CARD14: variants seen among roughly 807,000 people sequenced by gnomAD.
CARD14 encodes the protein caspase recruitment domain-containing protein 14.
Under a neutral mutation model 111.5 loss-of-function variants are expected in CARD14, and 107 were observed. The ratio of observed to expected loss-of-function variants is 0.96; its 90% CI spans 0.82 to 1.13. CARD14 has a LOEUF of 1.13. CARD14 is among the 50% of genes most tolerant of loss of function. CARD14 has a pLI of 0.00. For synonymous variants in CARD14, 617 were observed against 579.6 expected, an observed-to-expected ratio of 1.06 and a Z score of -0.93; for missense variants, 1,322 against 1,362.3, an observed-to-expected ratio of 0.97 and a Z score of 0.47.
Position 80,205,623 on chromosome 17 carries a change from C to T in CARD14, c.2662C>T (p.Arg888Cys), listed in dbSNP as rs201390554. 1.7e-5 allele frequency: 27 copies of T among 1,566,076 alleles called. No individual in the cohort carries two copies. Among genetic ancestry groups the T allele is most frequent in the African/African-American group, 2.7e-5 (2 of 74,022 alleles). Residue 888 changes from arginine (R) to cysteine (C), a missense_variant, in exon 22 of 24, where the codon CGC becomes TGC. Physicochemically the swap from Arg to Cys is radical, Grantham distance 180 (BLOSUM62 -3). Coordinates refer to ENST00000648509, the MANE Select transcript of CARD14 (RefSeq NM_001366385.1). ...EVSGGRCWVT[R>C]HAVESLMEKN... ...GTCCGGGGGCCGCTGCTGGGTGACC[C>T]GCCATGCTGTGGAGTCCCTCATGGA...
rs370253085 is a variant in CARD14 at position 80,208,281 on chromosome 17, G to A, written c.2951G>A (p.Cys984Tyr). Residue 984 changes from cysteine (C) to tyrosine (Y), a missense_variant, in exon 24 of 24, where the codon TGT (cysteine) becomes TAT (tyrosine). Physicochemically the swap from Cys to Tyr is radical, Grantham distance 194. Transcript: ENST00000648509. ...AGCGACCTGGACGGCCTGCTCAGCT[G>A]TGTCCGCCAGGCCATCGCCGACGAG... is the stretch of plus-strand genomic sequence containing the variant. ...GWSDLDGLLS[C>Y]VRQAIADEQK... 3.1e-6 allele frequency: 5 copies of A among 1,599,962 alleles called. No individual in the cohort carries two copies. Among genetic ancestry groups the A allele is most frequent in the African/African-American group, 2.7e-5 (2 of 74,898 alleles).
At chr17:80,205,867 C>G in intron 22 of CARD14, 1 of 474,758 alleles carries the variant, frequency 2.1e-6, no homozygotes, top group Non-Finnish European at 3.7e-6. Flanking sequence ...CTCCTTGAAT[C>G]TCAGTTTCCT....
At chr17:80,184,716 G>T (rs973791381) in intron 7 of CARD14, among the ~76,000 whole-genome samples, 1 of 63,488 alleles carries the variant, frequency 1.6e-5, no homozygotes, top group Admixed American at 1.5e-4. Flanking sequence ...GGACTCAGGC[G>T]GGATAGTTGG....
Position 80,201,831 on chromosome 17 carries a change from G to A in CARD14, c.1939G>A (p.Asp647Asn). 1 of 1,614,036 alleles carries A rather than the reference G, an allele frequency of 6.2e-7. No homozygotes were observed. Among genetic ancestry groups the A allele is most frequent in the Non-Finnish European group, 8.5e-7 (1 of 1,179,970 alleles). The stretch of plus-strand genomic sequence containing the variant: ...GGCCGTGGGGCTTCTCAGGAGGGTG[G>A]ACGGCTTCTGCTGCCTGTCTGTGAA... ...EEAVGLLRRV[D>N]GFCCLSVKVN... Residue 647 changes from aspartate (D) to asparagine (N), a missense_variant, in exon 17 of 24, where the codon GAC becomes AAC. By Grantham distance (23) the Asp-to-Asn change is conservative. Coordinates refer to ENST00000648509, the MANE Select transcript of CARD14 (RefSeq NM_001366385.1). The surrounding 1 kb of genome is among the most constrained non-coding windows in gnomAD (Gnocchi z 5.0).
At chr17:80,204,151 A>G (rs1194164628) in intron 19 of CARD14, 76 bp from the exon 20 acceptor site, 3 of 1,429,752 alleles carry the variant, frequency 2.1e-6, no homozygotes, top group East Asian at 2.5e-5. Context: ...CCTAGTGCCA[A>G]TCATCTCCCC....
chr17:80,205,324 C>T (rs1226612974), intron 21 of CARD14, 119 bp downstream of exon 21: 3 of 1,172,638 alleles, frequency 2.6e-6, no homozygotes, highest in East Asian at 2.5e-5. Flanking sequence ...CGCACATTCC[C>T]ACACTCACCT....
chr17:80,176,772 C>T lies in CARD14; in HGVS notation c.-366-1736C>T, dbSNP rs563389857. The stretch of plus-strand genomic sequence containing the variant: ...TTCATTTTGCCCTGAGCTCCACAGA[C>T]GATATAGCTGGTCCTGAAGTGGGGC... On this transcript the variant is annotated intron_variant, in intron 2 of 23. Coordinates refer to ENST00000648509, the MANE Select transcript of CARD14 (RefSeq NM_001366385.1). Among the ~76,000 whole-genome samples the T allele has an allele frequency of 1.1e-4, 16 of 152,292 alleles. No homozygotes were observed. In the South Asian group the frequency reaches 1.2e-3, roughly 12 times the overall value.
intron 2 of CARD14, among the ~76,000 whole-genome samples, 199 bp downstream of exon 2, chr17:80,173,427 C>G (rs1046361082): frequency 2.0e-5 from 3 of 152,036 alleles, no homozygotes; most frequent in African/African-American, 7.3e-5. Flanking sequence ...TAAACTAACA[C>G]CATTTTATAA....
chr17:80,182,603 G>GT lies in CARD14; in HGVS notation c.212-50_212-49insT, dbSNP rs2040208800. 1 of 1,606,028 alleles carries GT rather than the reference G, an allele frequency of 6.2e-7. No homozygotes were observed. On this transcript the variant is annotated intron_variant, in intron 5 of 23. Coordinates refer to ENST00000648509, the MANE Select transcript of CARD14 (RefSeq NM_001366385.1). This position sits in a 1 kb window ranked among gnomAD's most constrained non-coding sequence, Gnocchi z 4.7. ...GTGGGGAAGCCAGCCAGGGAGCCCA[G>GT]CCCCCTTGGTAGCTGGGTTCTGCCC...
chr17:80,181,359 C>A, intron 4 of CARD14, 60 bp from the exon 5 acceptor site: 11 of 1,303,956 alleles, frequency 8.4e-6, no homozygotes, highest in Admixed American at 2.2e-5. Flanking sequence ...ACGGTGTCAC[C>A]CTGGCTATCC....
At chr17:80,196,938 G>C (rs2040735458) in intron 14 of CARD14, 1 of 152,428 alleles carries the variant, frequency 6.6e-6, no homozygotes, top group Non-Finnish European at 1.5e-5. Flanking sequence ...GGTCTGGGTA[G>C]AAATGCAGGT....
rs2040826967 is a variant in CARD14, at chr17:80,198,886, A to G, written c.1851+295A>G. 46 of 1,352,634 alleles carry G rather than the reference A, an allele frequency of 3.4e-5. No homozygotes were observed. The South Asian group carries it at 9.1e-4, about 27-fold the overall frequency. 83.8% of individuals were successfully genotyped at this position (1,352,634 alleles called of 1,614,324 possible). ...CTGGGTGGTCACTTTGGGTGTGTACAGTAAAATACACGTGACATAAAATTC... is the reference window on the plus strand; with the variant it reads ...CTGGGTGGTCACTTTGGGTGTGTACGGTAAAATACACGTGACATAAAATTC... On this transcript the variant is annotated intron_variant, in intron 16 of 23. Coordinates refer to ENST00000648509, the MANE Select transcript of CARD14 (RefSeq NM_001366385.1). This position sits in a 1 kb window ranked among gnomAD's most constrained non-coding sequence, Gnocchi z 7.5.
rs771669754 is a variant in CARD14, at chr17:80,198,643, G to A, written c.1851+52G>A. 4 of 1,609,278 alleles carry A rather than the reference G, an allele frequency of 2.5e-6. No individual in the cohort carries two copies. The South Asian group carries it at 4.4e-5, about 18-fold the overall frequency. On this transcript the variant is annotated intron_variant, in intron 16 of 23. Coordinates refer to ENST00000648509, the MANE Select transcript of CARD14 (RefSeq NM_001366385.1). The surrounding 1 kb of genome is among the most constrained non-coding windows in gnomAD (Gnocchi z 7.5). ...CCCCGGGCTCCTCATGGGGACAGTG[G>A]CAGCGGGTGGGGTGACCCAGGCAGA...
At position 80,201,419 on chromosome 17, in the gene CARD14, G is replaced by C. The variant is rs1013720883; in HGVS notation, c.1852-325G>C. On this transcript the variant is annotated intron_variant, in intron 16 of 23. Coordinates refer to ENST00000648509, the MANE Select transcript of CARD14 (RefSeq NM_001366385.1). The surrounding 1 kb of genome is among the most constrained non-coding windows in gnomAD (Gnocchi z 5.0). ...AGAAACCTCTATCTAGAATGCTCTTGAATGTTCTAGAACCGAGGTTCTTTC... is the reference window on the plus strand; with the variant it reads ...AGAAACCTCTATCTAGAATGCTCTTCAATGTTCTAGAACCGAGGTTCTTTC... The C allele has an allele frequency of 9.5e-5, 30 of 316,186 alleles. No homozygotes were observed. Among genetic ancestry groups the C allele is most frequent in the Middle Eastern group, 1.0e-3 (1 of 960 alleles). The allele number at this position is 316,186 out of a possible 1,614,324, so 19.6% of individuals were successfully genotyped here. A position where few individuals can be genotyped will look rare whatever the true frequency, so the allele number is the denominator to read the frequency against.
At chr17:80,205,275 C>T in intron 21 of CARD14, 70 bp downstream of exon 21, 2 of 1,293,538 alleles carry the variant, frequency 1.5e-6, no homozygotes, top group East Asian at 4.8e-5. Context: ...TTCCTCCCTC[C>T]TTCCTCCCCT....
In CARD14 at chr17:80,191,333, C is replaced by T. The variant is rs549747651; in HGVS notation, c.1100C>T (p.Ala367Val). Residue 367 changes from alanine to valine, a missense_variant, in exon 11 of 24, where the codon GCG becomes GTG. Transcript: ENST00000648509. The stretch of plus-strand genomic sequence containing the variant: ...CGTCGTGGCCCACAGGCGTACTCCG[C>T]GAGGGACAGTGCTCAGAGGGAGATT... ...LQKERDQAYS[A>V]RDSAQREISQ... is the part of the protein sequence containing the mutation. 6.3e-5 allele frequency: 101 copies of T among 1,613,106 alleles called. No homozygotes were observed. The highest frequency in any genetic ancestry group is 5.5e-4 in the South Asian group (50 of 91,058).
intron 7 of CARD14, among the ~76,000 whole-genome samples, chr17:80,186,642 G>A (rs570166862): frequency 1.5e-4 from 23 of 152,196 alleles, no homozygotes; most frequent in Admixed American, 3.3e-4. Context: ...TCCATCTCCC[G>A]GGTTCAAGCA....
intron 2 of CARD14, among the ~76,000 whole-genome samples, chr17:80,174,671 G>A (rs897156535): frequency 6.6e-6 from 1 of 152,130 alleles, no homozygotes; most frequent in South Asian, 2.1e-4. Context: ...AGTCCTGGAT[G>A]TGTGATTAAA....
chr17:80,190,557 G>A (rs1488542295), intron 9 of CARD14, among the ~76,000 whole-genome samples: 2 of 151,306 alleles, frequency 1.3e-5, no homozygotes, highest in Non-Finnish European at 1.5e-5. Flanking sequence ...AGGTTGCAGC[G>A]AGCCGAGATT....
Sources: allele counts gnomAD v4.1 joint callset (sites outside exome capture counted in the v4.1 genomes callset), GRCh38; gene constraint gnomAD v4.1.1; non-coding constraint Gnocchi (gnomAD v3.1); transcripts MANE v1.5; gene names NCBI Gene and HGNC (gene_info 2026-07-23, HGNC 2026-07-21).